Variants in CDH13 observed in about 807,000 individuals in gnomAD.
CDH13 encodes the protein cadherin 13, also known as cadherin-13.
Under a neutral mutation model 63.8 loss-of-function variants are expected in CDH13, and 24 were observed. The observed-to-expected ratio is 0.38, with a 90% CI of 0.27 to 0.53. The LOEUF (loss-of-function observed/expected upper bound fraction) is 0.53, where lower values mean the gene tolerates loss of function less well. Among genes scored for constraint, CDH13 ranks in the 20% least tolerant of loss-of-function variants. CDH13 has a pLI of 0.85. For synonymous variants in CDH13, 503 were observed against 355.3 expected, an observed-to-expected ratio of 1.42 and a Z score of -4.67; for missense variants, 1,049 against 903.1, an observed-to-expected ratio of 1.16 and a Z score of -2.07.
intron 10 of CDH13, among the ~76,000 whole-genome samples, chr16:83,718,173 A>G (rs1482875700): frequency 2.0e-5 from 3 of 152,208 alleles, no homozygotes; most frequent in Non-Finnish European, 4.4e-5. Flanking sequence ...AGAGGAACAC[A>G]GCCCACACAC....
chr16:83,133,321 G>C (rs1055469616), intron 4 of CDH13, among the ~76,000 whole-genome samples: 4 of 152,114 alleles, frequency 2.6e-5, no homozygotes, highest in African/African-American at 9.7e-5. Context: ...AAAAAGAATG[G>C]AAAATGTCTC....
chr16:83,675,454 A>C (rs2150865905), intron 9 of CDH13, among the ~76,000 whole-genome samples: 1 of 152,302 alleles, frequency 6.6e-6, no homozygotes, highest in East Asian at 1.9e-4. Flanking sequence ...CTCTGAAGCC[A>C]GCGTTCCGTT....
intron 6 of CDH13, among the ~76,000 whole-genome samples, chr16:83,409,132 G>A (rs1455415378): frequency 1.3e-5 from 2 of 152,100 alleles, no homozygotes; most frequent in African/African-American, 2.4e-5. Flanking sequence ...GACAGGGGAG[G>A]GAAGGCAGCC....
intron 2 of CDH13, among the ~76,000 whole-genome samples, chr16:82,877,415 A>G (rs2040542055): frequency 6.6e-6 from 1 of 152,188 alleles, no homozygotes. Flanking sequence ...CAATTAAGTC[A>G]GGTTGACGAA....
At chr16:83,251,666 G>A (rs1326649288) in intron 5 of CDH13, among the ~76,000 whole-genome samples, 4 of 152,346 alleles carry the variant, frequency 2.6e-5, no homozygotes, top group East Asian at 1.9e-4. Context: ...GGCCATTGGC[G>A]TAGGCCTTCG....
chr16:83,200,803 A>G (rs994795928), intron 4 of CDH13, among the ~76,000 whole-genome samples: 9 of 152,200 alleles, frequency 5.9e-5, no homozygotes, highest in Non-Finnish European at 7.3e-5. Flanking sequence ...GAAAACAACA[A>G]CAACAACATA....
chr16:83,514,729 G>A (rs2074661480), intron 7 of CDH13, among the ~76,000 whole-genome samples: 1 of 152,192 alleles, frequency 6.6e-6, no homozygotes, highest in Non-Finnish European at 1.5e-5. Flanking sequence ...GAGGCAGAGA[G>A]TGGGATGATG....
intron 2 of CDH13, among the ~76,000 whole-genome samples, chr16:82,973,355 G>C (rs1909041622): frequency 6.6e-6 from 1 of 152,150 alleles, no homozygotes; most frequent in South Asian, 2.1e-4. Context: ...TCCAAACATA[G>C]CTTTAAAGCC....
At chr16:83,739,426 CT>C (rs1911853861) in intron 10 of CDH13, among the ~76,000 whole-genome samples, 1 of 152,280 alleles carries the variant, frequency 6.6e-6, no homozygotes, top group East Asian at 1.9e-4. Flanking sequence ...CCCCATGTGC[CT>C]TTTTTCTGTG....
intron 1 of CDH13, among the ~76,000 whole-genome samples, chr16:82,685,971 G>C (rs1311785839): frequency 6.6e-6 from 1 of 152,220 alleles, no homozygotes; most frequent in Non-Finnish European, 1.5e-5. Context: ...AATAGGCACA[G>C]AGAGCTGATA....
intron 5 of CDH13, among the ~76,000 whole-genome samples, chr16:83,263,995 T>C (rs1374468701): frequency 6.6e-6 from 1 of 152,234 alleles, no homozygotes; most frequent in African/African-American, 2.4e-5. Context: ...AGTTCCTAGA[T>C]AGATTCCAAG....
At chr16:83,177,631 C>G (rs2038181968) in intron 4 of CDH13, among the ~76,000 whole-genome samples, 1 of 152,172 alleles carries the variant, frequency 6.6e-6, no homozygotes, top group Admixed American at 6.5e-5. Context: ...GACCATTACT[C>G]TTGCCTCCAA....
intron 3 of CDH13, among the ~76,000 whole-genome samples, chr16:83,046,029 C>G (rs1917750755): frequency 6.6e-6 from 1 of 152,196 alleles, no homozygotes; most frequent in Admixed American, 6.5e-5. Context: ...TGCTGTTGGG[C>G]CAGACTGTTG....
chr16:82,717,555 T>A (rs1233709203), intron 1 of CDH13, among the ~76,000 whole-genome samples: 1 of 151,238 alleles, frequency 6.6e-6, no homozygotes, highest in Non-Finnish European at 1.5e-5. Context: ...ATTCCATTGC[T>A]GGACTCTTTT....
intron 6 of CDH13, among the ~76,000 whole-genome samples, chr16:83,408,415 T>G (rs569516311): frequency 2.4e-4 from 36 of 152,338 alleles, no homozygotes; most frequent in African/African-American, 8.7e-4. Flanking sequence ...TTCTGCTACA[T>G]GCCTATCCTG....
At chr16:83,131,900 A>G (rs2036070262) in intron 4 of CDH13, among the ~76,000 whole-genome samples, 1 of 152,308 alleles carries the variant, frequency 6.6e-6, no homozygotes, top group Non-Finnish European at 1.5e-5. Context: ...ATTAGACTAA[A>G]TCATGAAAAC....
chr16:83,351,678 G>A (rs1355460557), intron 6 of CDH13, among the ~76,000 whole-genome samples: 2 of 152,202 alleles, frequency 1.3e-5, no homozygotes, highest in South Asian at 2.1e-4. Context: ...CAATTCTGCA[G>A]AAGAGAGCTC....
At chr16:83,093,488 T>C (rs1457487752) in intron 3 of CDH13, among the ~76,000 whole-genome samples, 1 of 151,580 alleles carries the variant, frequency 6.6e-6, no homozygotes, top group Non-Finnish European at 1.5e-5. Context: ...CTGGCTAATT[T>C]TTTGTATTTT....
At position 82,849,822 on chromosome 16, in the gene CDH13, G is replaced by C. The variant is rs73590333; in HGVS notation, c.46-8540G>C. ...AAGAATTGTGCTGAATCTACTCTGC[G>C]TGTGCTCTACAAAAGGAACAACAAA... On this transcript the variant is annotated intron_variant, in intron 1 of 13. Transcript: ENST00000567109. Among the ~76,000 whole-genome samples, 4 of 152,298 alleles carry C rather than the reference G, an allele frequency of 2.6e-5. No homozygotes were observed. In the East Asian group the frequency reaches 7.7e-4, roughly 29 times the overall value.
Sources: gnomAD v4.1 joint callset for allele counts (sites outside exome capture counted in the v4.1 genomes callset) on GRCh38, gnomAD v4.1.1 for gene constraint, MANE v1.5 for transcripts, NCBI Gene and HGNC (gene_info 2026-07-23, HGNC 2026-07-21) for gene names.